TSNARE1: variants seen among roughly 807,000 people sequenced by gnomAD.
The protein encoded by TSNARE1 is t-SNARE domain containing 1.
TSNARE1 carries 49 observed loss-of-function variants against 62.0 expected under a neutral mutation model. The observed-to-expected ratio is 0.79, with a 90% CI of 0.63 to 1.00. The LOEUF (loss-of-function observed/expected upper bound fraction) is 1.00, where lower values mean the gene tolerates loss of function less well. Among genes scored for constraint, TSNARE1 ranks in the 50% least tolerant of loss-of-function variants. TSNARE1 has a pLI of 0.00. For synonymous variants in TSNARE1, 328 were observed against 294.4 expected, an observed-to-expected ratio of 1.11 and a Z score of -1.17; for missense variants, 755 against 700.1, an observed-to-expected ratio of 1.08 and a Z score of -0.88.
At chr8:142,395,652 C>G (rs896833515) in intron 1 of TSNARE1, among the ~76,000 whole-genome samples, 1 of 152,238 alleles carries the variant, frequency 6.6e-6, no homozygotes, top group Non-Finnish European at 1.5e-5. Flanking sequence ...CCGGCGAAAA[C>G]GCCCAGGTAC....
intron 9 of TSNARE1, among the ~76,000 whole-genome samples, chr8:142,304,699 G>A (rs955519574): frequency 1.3e-5 from 2 of 152,182 alleles, no homozygotes; most frequent in Admixed American, 6.5e-5. Context: ...TGGAGAGCTC[G>A]AGCTGAGGCA....
At chr8:142,231,154 C>T (rs1242187452) in intron 12 of TSNARE1, among the ~76,000 whole-genome samples, 1 of 152,230 alleles carries the variant, frequency 6.6e-6, no homozygotes, top group Non-Finnish European at 1.5e-5. Flanking sequence ...TCAACTGTCT[C>T]AATGTCATTG....
At chr8:142,383,304 G>A (rs922070963) in intron 1 of TSNARE1, among the ~76,000 whole-genome samples, 5 of 152,218 alleles carry the variant, frequency 3.3e-5, no homozygotes, top group Non-Finnish European at 5.9e-5. Context: ...CAGAGGCTGG[G>A]TAAGACGTGT....
chr8:142,276,699 A>G, intron 11 of TSNARE1: 8 of 985,350 alleles, frequency 8.1e-6, no homozygotes, highest in Non-Finnish European at 9.6e-6. Context: ...ATCCTGCTCT[A>G]CACCTAGCCC....
intron 10 of TSNARE1, 22 bp from the exon 11 acceptor site, chr8:142,284,507 A>G (rs746102270): frequency 1.2e-6 from 2 of 1,607,600 alleles, no homozygotes; most frequent in Non-Finnish European, 1.7e-6. Flanking sequence ...ACATAGAACC[A>G]CATCAGGAGC....
Position 142,319,274 on chromosome 8 carries a change from A to T in TSNARE1, c.894-640T>A, listed in dbSNP as rs920603946. Among the ~76,000 whole-genome samples the T allele has an allele frequency of 5.9e-5, 9 of 151,916 alleles. No homozygotes were observed. Among genetic ancestry groups the T allele is most frequent in the Non-Finnish European group, 1.3e-4 (9 of 67,928 alleles). On this transcript the variant is annotated intron_variant, in intron 6 of 13. Transcript: ENST00000524325. This position sits in a 1 kb window ranked among gnomAD's most constrained non-coding sequence, Gnocchi z 4.9. ...AAGCCAGCAGGAGAATCAGGGCAAG[A>T]GCGCCATGGCCCAGGGAGGCCAGCA...
intron 13 of TSNARE1, among the ~76,000 whole-genome samples, chr8:142,219,407 G>T (rs1816096470): frequency 6.6e-6 from 1 of 152,176 alleles, no homozygotes; most frequent in South Asian, 2.1e-4. Context: ...CGGCCCTGCA[G>T]GTCGGGTCCC....
At position 142,259,489 on chromosome 8, in the gene TSNARE1, A is replaced by C. The variant is rs577552775; in HGVS notation, c.1446+15292T>G. Among the ~76,000 whole-genome samples, 77 of 152,200 alleles carry C rather than the reference A, an allele frequency of 5.1e-4. 1 individual carries two copies. In the Middle Eastern group the frequency reaches 0.014, roughly 27 times the overall value. Reference sequence around the variant, plus strand: ...ACCTGGAAACACAATTCACATTTACATTTCTCAGCAGACTGGGGGAAGAAT... The same window carrying C: ...ACCTGGAAACACAATTCACATTTACCTTTCTCAGCAGACTGGGGGAAGAAT... On this transcript the variant is annotated intron_variant, in intron 12 of 13. Coordinates refer to ENST00000524325, the MANE Select transcript of TSNARE1 (RefSeq NM_145003.5).
At chr8:142,280,451 T>C (rs578062917) in intron 11 of TSNARE1, 4 of 421,570 alleles carry the variant, frequency 9.5e-6, no homozygotes, top group South Asian at 2.0e-4. Flanking sequence ...GCACCCAGCA[T>C]AGGCAGCCTA....
intron 12 of TSNARE1, among the ~76,000 whole-genome samples, chr8:142,255,110 A>T (rs1818358085): frequency 6.6e-6 from 1 of 151,988 alleles, no homozygotes; most frequent in African/African-American, 2.4e-5. Context: ...AGAGGCCCCC[A>T]GCGGCTGAAG....
At chr8:142,280,351 G>T (rs921607575) in intron 11 of TSNARE1, 2 of 984,180 alleles carry the variant, frequency 2.0e-6, no homozygotes, top group East Asian at 1.1e-4. Flanking sequence ...GGCTGAGCAG[G>T]GGGCAGAGAC....
chr8:142,333,801 C>T (rs980586672), intron 4 of TSNARE1, among the ~76,000 whole-genome samples: 2 of 152,234 alleles, frequency 1.3e-5, no homozygotes, highest in Non-Finnish European at 2.9e-5. Context: ...GTCCAGCAGC[C>T]GCACTCATGG....
rs1820697665 is a variant in TSNARE1 at position 142,277,494 on chromosome 8, G to GA, written c.1364-2632dup. On this transcript the variant is annotated intron_variant, in intron 11 of 13. Transcript: ENST00000524325. ...CCCCAGGCAGTGCCGCTGCAGAGCGGAAAGCATGGCCGGCTCGGGGCAACT... is the reference window on the plus strand; with the variant it reads ...CCCCAGGCAGTGCCGCTGCAGAGCGGAAAAGCATGGCCGGCTCGGGGCAACT... The GA allele has an allele frequency of 3.0e-6, 3 of 985,376 alleles. No individual in the cohort carries two copies. In the Admixed American group the frequency reaches 1.8e-4, roughly 61 times the overall value. The allele number at this position is 985,376 out of a possible 1,614,324, so 61.0% of individuals were successfully genotyped here.
At chr8:142,305,123 C>T (rs1456854660) in intron 9 of TSNARE1, among the ~76,000 whole-genome samples, 1 of 152,176 alleles carries the variant, frequency 6.6e-6, no homozygotes, top group African/African-American at 2.4e-5. Context: ...TGAAATCCTC[C>T]AGGGCAGCTA....
chr8:142,224,037 G>A (rs981328510), intron 13 of TSNARE1, among the ~76,000 whole-genome samples: 1 of 150,200 alleles, frequency 6.7e-6, no homozygotes, highest in Non-Finnish European at 1.5e-5. Context: ...GTGCAGTCCT[G>A]GGGGATGCAC....
intron 1 of TSNARE1, among the ~76,000 whole-genome samples, chr8:142,396,415 A>G (rs2131437310): frequency 6.6e-6 from 1 of 152,196 alleles, no homozygotes; most frequent in East Asian, 1.9e-4. Context: ...CCTCTCCATC[A>G]GAAATCTCAA....
intron 12 of TSNARE1, among the ~76,000 whole-genome samples, chr8:142,251,353 A>G (rs1818154694): frequency 7.8e-6 from 1 of 128,422 alleles, no homozygotes; most frequent in Non-Finnish European, 1.6e-5. Flanking sequence ...AAAAGCCACA[A>G]TCAAGAAAAG....
intron 12 of TSNARE1, among the ~76,000 whole-genome samples, chr8:142,266,633 C>T (rs1819148633): frequency 6.6e-6 from 1 of 152,202 alleles, no homozygotes; most frequent in African/African-American, 2.4e-5. Flanking sequence ...TTGCTTGAGG[C>T]TTTCCCTTTC....
At chr8:142,274,746 G>A (rs1378360297) in intron 12 of TSNARE1, 35 bp downstream of exon 12, 5 of 1,468,204 alleles carry the variant, frequency 3.4e-6, no homozygotes, top group Non-Finnish European at 4.5e-6. Flanking sequence ...CGGAGGCCGG[G>A]CCGGCCGGGC....
Sources: allele counts gnomAD v4.1 joint callset (sites outside exome capture counted in the v4.1 genomes callset), GRCh38; gene constraint gnomAD v4.1.1; non-coding constraint Gnocchi (gnomAD v3.1); transcripts MANE v1.5; gene names NCBI Gene and HGNC (gene_info 2026-07-23, HGNC 2026-07-21).